Variants in BCO2 observed in about 807,000 individuals in gnomAD.
BCO2 encodes the protein carotenoid-cleaving dioxygenase, mitochondrial.
In BCO2, 56 loss-of-function variants were observed where a neutral mutation model predicts 65.8. That is an observed-to-expected ratio of 0.85 (90% CI 0.69 to 1.06). The LOEUF (loss-of-function observed/expected upper bound fraction) is 1.06, where lower values mean the gene tolerates loss of function less well. BCO2 is among the 50% of genes least tolerant of loss of function. The pLI, the probability that BCO2 is intolerant of heterozygous loss-of-function variation, is 0.00. For missense variants in BCO2, 675 were observed against 698.5 expected (o/e 0.97, Z 0.38); for synonymous variants, 233 against 242.3 (o/e 0.96, Z 0.36).
chr11:112,176,716 C>A (rs1438675122), intron 1 of BCO2, among the ~76,000 whole-genome samples: 5 of 152,102 alleles, frequency 3.3e-5, no homozygotes, highest in Non-Finnish European at 5.9e-5. Flanking sequence ...GGAAAGCATC[C>A]ACTATCTTTA....
rs146824071 is a variant in BCO2 at position 112,199,708 on chromosome 11, A to C, written c.746A>C (p.Tyr249Ser). ...GNSFGPYGFSYKVIRVPPEKV... is the reference protein window; with the variant it reads ...GNSFGPYGFSSKVIRVPPEKV... Reference sequence around the variant, plus strand: ...ACTTTTCATTTTTCAGGTTTCTCCTATAAGGTTATTCGGGTTCCTCCAGAG... The same window carrying C: ...ACTTTTCATTTTTCAGGTTTCTCCTCTAAGGTTATTCGGGTTCCTCCAGAG... Residue 249 changes from tyrosine to serine, a missense_variant, in exon 6 of 12, where the codon TAT becomes TCT. Tyr to Ser is a moderately radical substitution (Grantham distance 144). Coordinates refer to ENST00000357685, the MANE Select transcript of BCO2 (RefSeq NM_031938.7). 13 of 1,613,504 alleles carry C rather than the reference A, an allele frequency of 8.1e-6. No individual in the cohort carries two copies. The highest frequency in any genetic ancestry group is 1.1e-5 in the Non-Finnish European group (13 of 1,179,566).
chr11:112,185,348 C>T (rs1002145975), intron 2 of BCO2, among the ~76,000 whole-genome samples: 4 of 152,122 alleles, frequency 2.6e-5, no homozygotes, highest in African/African-American at 9.7e-5. Flanking sequence ...ACCAATAACT[C>T]TTCAGTATAA....
chr11:112,193,945 C>T lies in BCO2; in HGVS notation c.584C>T (p.Thr195Ile). The T allele has an allele frequency of 1.2e-6, 2 of 1,612,172 alleles. No homozygotes were observed. The highest frequency in any genetic ancestry group is 1.7e-6 in the Non-Finnish European group (2 of 1,178,546). Reference sequence around the variant, plus strand: ...GGTGATTACTACCTCTGCACTGAGACCAACTTTATGAATAAAGTGGACATT... The same window carrying T: ...GGTGATTACTACCTCTGCACTGAGATCAACTTTATGAATAAAGTGGACATT... ...YKGDYYLCTE[T>I]NFMNKVDIET... The change falls in exon 4 of 12, where the codon ACC (threonine) becomes ATC (isoleucine). Residue 195 changes from threonine to isoleucine, a missense_variant. Coordinates refer to ENST00000357685, the MANE Select transcript of BCO2 (RefSeq NM_031938.7).
At chr11:112,199,922 C>T in intron 6 of BCO2, 95 bp downstream of exon 6, 2 of 1,439,494 alleles carry the variant, frequency 1.4e-6, no homozygotes, top group Non-Finnish European at 1.9e-6. Context: ...AATAGTTTAT[C>T]ACGCTATGGT....
At chr11:112,189,432 G>A (rs1197811650) in intron 2 of BCO2, among the ~76,000 whole-genome samples, 2 of 142,412 alleles carry the variant, frequency 1.4e-5, no homozygotes, top group African/African-American at 5.3e-5. Flanking sequence ...TTGAGACAGA[G>A]TCTCACTCTG....
chr11:112,201,898 C>T, intron 7 of BCO2, 125 bp from the exon 8 acceptor site: 1 of 723,594 alleles, frequency 1.4e-6, no homozygotes, highest in Non-Finnish European at 2.2e-6. Flanking sequence ...CTGGACCTGC[C>T]ACTTCAGAGG....
intron 6 of BCO2, 194 bp from the exon 7 acceptor site, chr11:112,200,419 C>T: frequency 2.0e-6 from 1 of 501,930 alleles, no homozygotes; most frequent in Non-Finnish European, 3.4e-6. Flanking sequence ...CTATTCTAAG[C>T]AGTTCCCTTT....
chr11:112,176,545 T>A (rs1420241529), intron 1 of BCO2: 2 of 146,942 alleles, frequency 1.4e-5, no homozygotes, highest in Non-Finnish European at 3.0e-5. Context: ...ACATTCTATT[T>A]TGACATGTTG....
At chr11:112,206,938 T>G (rs1859360629) in intron 8 of BCO2, among the ~76,000 whole-genome samples, 1 of 152,248 alleles carries the variant, frequency 6.6e-6, no homozygotes, top group African/African-American at 2.4e-5. Flanking sequence ...TTTGTGTGTT[T>G]TGAAATTATT....
intron 11 of BCO2, among the ~76,000 whole-genome samples, 192 bp from the exon 12 acceptor site, chr11:112,217,569 C>T (rs1465806698): frequency 6.6e-6 from 1 of 151,928 alleles, no homozygotes; most frequent in African/African-American, 2.4e-5. Flanking sequence ...GCCATGTTGC[C>T]GAGGCTGGTC....
At chr11:112,175,826 T>C (rs576703646) in intron 1 of BCO2, 137 bp downstream of exon 1, 2 of 664,310 alleles carry the variant, frequency 3.0e-6, no homozygotes, top group African/African-American at 3.6e-5. Context: ...AGATAGCAAT[T>C]CCGCAGAGTC....
chr11:112,195,962 CA>C (rs901555336), intron 5 of BCO2, among the ~76,000 whole-genome samples: 3 of 152,156 alleles, frequency 2.0e-5, no homozygotes, highest in Non-Finnish European at 4.4e-5. Flanking sequence ...TTAACCCAGC[CA>C]CCCATCATGA....
At chr11:112,179,789 G>A in intron 2 of BCO2, 1 of 375,146 alleles carries the variant, frequency 2.7e-6, no homozygotes, top group East Asian at 6.1e-5. Context: ...GAAGGGCAAT[G>A]TCTCCTCATA....
At position 112,182,157 on chromosome 11, in the gene BCO2, T is replaced by C. The variant is rs537762765; in HGVS notation, c.293+2675T>C. 1.1e-4 allele frequency among the ~76,000 whole-genome samples: 17 copies of C among 152,242 alleles called. No homozygotes were observed. In the East Asian group the frequency reaches 3.1e-3, roughly 28 times the overall value. On this transcript the variant is annotated intron_variant, in intron 2 of 11. Transcript: ENST00000357685. ...AAATCAAAACCACAATGAGATACCATCTCACACCAGTTAGAATGGCGATCA... is the reference window on the plus strand; with the variant it reads ...AAATCAAAACCACAATGAGATACCACCTCACACCAGTTAGAATGGCGATCA...
At chr11:112,194,795 C>A in intron 5 of BCO2, 40 bp downstream of exon 5, 3 of 1,360,210 alleles carry the variant, frequency 2.2e-6, no homozygotes, top group African/African-American at 1.4e-5. Context: ...ATAATTGAGA[C>A]CAGGCACGGT....
rs551910466 is a variant in BCO2, at chr11:112,195,454, T to C, written c.736+699T>C. Among the ~76,000 whole-genome samples the C allele has an allele frequency of 4.9e-4, 73 of 149,856 alleles. 3 individuals carry two copies. The South Asian group carries it at 9.9e-3, about 20-fold the overall frequency. The stretch of plus-strand genomic sequence containing the variant: ...GGCCAATTACACTTTTTTTTATTTT[T>C]TATTTTTTTTTACAAAGGCTCGCTC... On this transcript the variant is annotated intron_variant, in intron 5 of 11. Transcript: ENST00000357685.
chr11:112,198,373 A>G (rs1482231216), intron 5 of BCO2, among the ~76,000 whole-genome samples: 1 of 152,048 alleles, frequency 6.6e-6, no homozygotes, highest in Non-Finnish European at 1.5e-5. Flanking sequence ...ATTTTTGTCT[A>G]TTTTGCATAT....
intron 7 of BCO2, among the ~76,000 whole-genome samples, chr11:112,201,147 T>C (rs1349271752): frequency 6.9e-6 from 1 of 144,932 alleles, no homozygotes; most frequent in Admixed American, 7.0e-5. Flanking sequence ...CTTTTTCCTT[T>C]TTTTTTGAGA....
chr11:112,197,870 G>A (rs11214127), intron 5 of BCO2, among the ~76,000 whole-genome samples: 34,498 of 152,002 alleles, frequency 0.23, 4,022 homozygotes, highest in Middle Eastern at 0.27. Flanking sequence ...CACTCCAATC[G>A]TGCTCCTGGC....
Sources: gnomAD v4.1 joint callset for allele counts (sites outside exome capture counted in the v4.1 genomes callset) on GRCh38, gnomAD v4.1.1 for gene constraint, MANE v1.5 for transcripts, NCBI Gene and HGNC (gene_info 2026-07-23, HGNC 2026-07-21) for gene names.